Variants in TNRC18 observed in about 807,000 individuals in gnomAD.
The protein encoded by TNRC18 is trinucleotide repeat containing 18, also known as trinucleotide repeat-containing gene 18 protein.
A neutral mutation model predicts 226.7 loss-of-function variants in TNRC18; 69 were observed. That is an observed-to-expected ratio of 0.30 (90% CI 0.25 to 0.37). TNRC18 has a LOEUF of 0.37. Among genes scored for constraint, TNRC18 ranks in the 10% least tolerant of loss-of-function variants. The pLI is 1.00. For missense variants in TNRC18, 4,754 were observed against 4,256.6 expected (o/e 1.12, Z -3.25); for synonymous variants, 2,449 against 1,927.6 (o/e 1.27, Z -7.09).
rs1246234131 is a variant in TNRC18, at chr7:5,423,748, T to G, written c.-551A>C. 6.6e-6 allele frequency among the ~76,000 whole-genome samples: 1 copy of G among 151,166 alleles called. No individual in the cohort carries two copies. The highest frequency in any genetic ancestry group is 2.4e-5 in the African/African-American group (1 of 41,084). ...TTAATAAAATCCAGGTAGCGCCGGT[T>G]TAAAGAATCCCAAATCTCCATATAC... is the stretch of plus-strand genomic sequence containing the variant. On this transcript the variant is annotated 5_prime_UTR_variant, in exon 1 of 30. Transcript: ENST00000430969.
chr7:5,355,669 T>G (rs1237447244), intron 16 of TNRC18, among the ~76,000 whole-genome samples: 1 of 152,086 alleles, frequency 6.6e-6, no homozygotes, highest in Non-Finnish European at 1.5e-5. Context: ...GAGGATTGCT[T>G]GAGCCCAGGC....
At chr7:5,329,897 T>C (rs1418961697) in intron 19 of TNRC18, 3 of 470,746 alleles carry the variant, frequency 6.4e-6, no homozygotes, top group Non-Finnish European at 1.3e-5. Context: ...AACAGCTGAA[T>C]ACCCAGCTAT....
At position 5,361,881 on chromosome 7, in the gene TNRC18, CG is replaced by C; in HGVS notation, c.4532+15del. The C allele has an allele frequency of 3.2e-6, 5 of 1,538,830 alleles. No individual in the cohort carries two copies. Among genetic ancestry groups the C allele is most frequent in the Non-Finnish European group, 4.4e-6 (5 of 1,143,230 alleles). On this transcript the variant is annotated intron_variant, in intron 13 of 29. Coordinates refer to ENST00000430969, the MANE Select transcript of TNRC18 (RefSeq NM_001080495.3). Reference sequence around the variant, plus strand: ...CGGGGCAGGGGCCCCACGGGGCGGGCGGGGGACACACTCACTCGGAGTCCCG... The same window carrying C: ...CGGGGCAGGGGCCCCACGGGGCGGGCGGGGACACACTCACTCGGAGTCCCG...
In TNRC18 at chr7:5,359,989, G is replaced by GA. The variant is rs1193612075; in HGVS notation, c.4662-421dup. 5.5e-3 allele frequency among the ~76,000 whole-genome samples: 807 copies of GA among 146,352 alleles called. 11 individuals carry two copies. Among genetic ancestry groups the GA allele is most frequent in the African/African-American group, 0.019 (756 of 40,038 alleles). On this transcript the variant is annotated intron_variant, in intron 14 of 29. Transcript: ENST00000430969. ...TTCCAGTCTCTCTTTTCCAGTAAGG[G>GA]AAAAAAAAAACGAAGAAGGAGCCAC...
chr7:5,414,453 C>T (rs1356338451), intron 2 of TNRC18, among the ~76,000 whole-genome samples: 3 of 151,776 alleles, frequency 2.0e-5, no homozygotes, highest in African/African-American at 7.3e-5. Flanking sequence ...CACTCTGTCG[C>T]CCAGGCTGGA....
chr7:5,422,827 A>T (rs1002860784), intron 1 of TNRC18: 18 of 152,194 alleles, frequency 1.2e-4, no homozygotes, highest in African/African-American at 3.6e-4. Context: ...ACTTTGGAAA[A>T]ATCTAAGATC....
chr7:5,321,262 C>T, intron 21 of TNRC18, 72 bp from the exon 22 acceptor site: 3 of 1,137,794 alleles, frequency 2.6e-6, no homozygotes, highest in Admixed American at 2.1e-5. Flanking sequence ...CTCCCGTTAC[C>T]CCCAAGTCAT....
rs1007731774 is a variant in TNRC18, at chr7:5,377,138, G to A, written c.2462-145C>T. The A allele has an allele frequency of 7.8e-7, 1 of 1,276,960 alleles. No homozygotes were observed. The allele number at this position is 1,276,960 out of a possible 1,614,324, so 79.1% of individuals were successfully genotyped here. The stretch of plus-strand genomic sequence containing the variant: ...AGCCAAGGGACAGGGGTGCTGGCTG[G>A]CTGCAAAGAGCACCCCAGAGCCACC... On this transcript the variant is annotated intron_variant, in intron 7 of 29. Transcript: ENST00000430969. This position sits in a 1 kb window ranked among gnomAD's most constrained non-coding sequence, Gnocchi z 5.8.
At chr7:5,321,987 T>C (rs1370129316) in intron 21 of TNRC18, among the ~76,000 whole-genome samples, 1 of 151,810 alleles carries the variant, frequency 6.6e-6, no homozygotes, top group African/African-American at 2.4e-5. Flanking sequence ...TTTTTTTTAA[T>C]AATTTTTTCA....
intron 2 of TNRC18, among the ~76,000 whole-genome samples, chr7:5,405,489 A>C (rs1348176317): frequency 6.6e-6 from 1 of 152,144 alleles, no homozygotes; most frequent in African/African-American, 2.4e-5. Flanking sequence ...GAATCCCTTG[A>C]ACCCGGGAGG....
intron 18 of TNRC18, among the ~76,000 whole-genome samples, chr7:5,342,121 C>A (rs1379310236): frequency 1.3e-5 from 2 of 152,158 alleles, no homozygotes; most frequent in Non-Finnish European, 2.9e-5. Flanking sequence ...AAATGGAAAA[C>A]CTTCTGGAAA....
chr7:5,391,956 C>T (rs1034706014), intron 3 of TNRC18, among the ~76,000 whole-genome samples: 4 of 151,568 alleles, frequency 2.6e-5, no homozygotes, highest in Non-Finnish European at 4.4e-5. Context: ...TGCCTAAGCC[C>T]AGAGTCCTAT....
At chr7:5,334,986 T>A (rs898698959) in intron 18 of TNRC18, among the ~76,000 whole-genome samples, 1 of 151,954 alleles carries the variant, frequency 6.6e-6, no homozygotes, top group African/African-American at 2.4e-5. Context: ...GTCTAGAAAC[T>A]GGCAACACAG....
chr7:5,319,933 A>T (rs1788182104), intron 24 of TNRC18, among the ~76,000 whole-genome samples: 1 of 152,242 alleles, frequency 6.6e-6, no homozygotes. Context: ...AATCTGACCC[A>T]GGCCCGGTCG....
At position 5,370,994 on chromosome 7, in the gene TNRC18, C is replaced by G. The variant is rs376015498; in HGVS notation, c.3600G>C (p.Leu1200=). The change falls in exon 11 of 30, where the codon CTG becomes CTC. Residue 1200 remains leucine (L), a synonymous_variant. Transcript: ENST00000430969. ...PSPAGGCGGG[L]LEAQALSATG... The stretch of plus-strand genomic sequence containing the variant: ...TGGCACTCAGCGCCTGGGCCTCCAA[C>G]AGGCCACCTCCACAACCCCCTGCAG... 5 of 1,606,964 alleles carry G rather than the reference C, an allele frequency of 3.1e-6. No homozygotes were observed. In the Admixed American group the frequency reaches 6.7e-5, roughly 21 times the overall value.
chr7:5,357,143 G>A lies in TNRC18; in HGVS notation c.4967C>T (p.Ser1656Leu), dbSNP rs1173699976. The change falls in exon 16 of 30, where the codon TCG becomes TTG. Residue 1656 changes from serine (S) to leucine (L), a missense_variant. Coordinates refer to ENST00000430969, the MANE Select transcript of TNRC18 (RefSeq NM_001080495.3). Reference protein sequence around the residue: ...FKFSDSAGGKSKTSGGCGRYL... With the variant: ...FKFSDSAGGKLKTSGGCGRYL... ...CCTGCCGCAGCCCCCGCTAGTTTTC[G>A]ATTTCCCCCCAGCACTGTCCGAAAA... The A allele has an allele frequency of 1.8e-5, 28 of 1,571,740 alleles. No individual in the cohort carries two copies. The highest frequency in any genetic ancestry group is 2.4e-5 in the Non-Finnish European group (28 of 1,157,646).
chr7:5,391,081 A>C (rs547246718), intron 3 of TNRC18, among the ~76,000 whole-genome samples: 3 of 152,328 alleles, frequency 2.0e-5, no homozygotes, highest in Admixed American at 1.3e-4. Context: ...CCCTGCAGCC[A>C]GGACTCTTAA....
intron 13 of TNRC18, 66 bp downstream of exon 13, chr7:5,361,831 C>T (rs1392118449): frequency 3.3e-6 from 5 of 1,509,844 alleles, no homozygotes; most frequent in East Asian, 2.5e-5. Context: ...TCGACGGCTG[C>T]TGCGCGCCTG....
chr7:5,352,727 G>A (rs554501281), intron 16 of TNRC18, among the ~76,000 whole-genome samples: 25 of 152,366 alleles, frequency 1.6e-4, no homozygotes, highest in South Asian at 1.4e-3. Flanking sequence ...TACAACGGAG[G>A]ACAAGAGTCT....
Sources: gnomAD v4.1 joint callset for allele counts (sites outside exome capture counted in the v4.1 genomes callset) on GRCh38, gnomAD v4.1.1 for gene constraint, Gnocchi (gnomAD v3.1) non-coding constraint, MANE v1.5 for transcripts, NCBI Gene and HGNC (gene_info 2026-07-23, HGNC 2026-07-21) for gene names.